UBR2: variants seen among roughly 807,000 people sequenced by gnomAD.
The protein encoded by UBR2 is ubiquitin protein ligase E3 component n-recognin 2, also known as E3 ubiquitin-protein ligase UBR2.
Under a neutral mutation model 247.9 loss-of-function variants are expected in UBR2, and 92 were observed. That is an observed-to-expected ratio of 0.37 (90% CI 0.31 to 0.44). UBR2 has a LOEUF of 0.44. UBR2 is among the 20% of genes least tolerant of loss of function. The probability of loss-of-function intolerance (pLI) is 1.00; values close to 1 mark genes in which losing one functional copy is unlikely to be tolerated. For synonymous variants in UBR2, 672 were observed against 693.5 expected (o/e 0.97, Z 0.49); for missense variants, 1,613 against 2,112.6 (o/e 0.76, Z 4.64).
intron 23 of UBR2, among the ~76,000 whole-genome samples, chr6:42,651,754 GTGCTGGGATTACAGGTGTGAGC>G (rs1184974727): frequency 6.6e-6 from 1 of 150,860 alleles, no homozygotes; most frequent in Non-Finnish European, 1.5e-5. Flanking sequence ...GCCTCCCAAA[GTGCTGGGATTACAGGTGTGAGC>G]TGCCACGCCC....
At position 42,659,715 on chromosome 6, in the gene UBR2, A is replaced by C. The variant is rs930008852; in HGVS notation, c.3302A>C (p.Glu1101Ala). Reference sequence around the variant, plus strand: ...GGCCCCGCACAAACTCAGGTTCCTGAACAAAGACAATTCGTTACATGTATA... The same window carrying C: ...GGCCCCGCACAAACTCAGGTTCCTGCACAAAGACAATTCGTTACATGTATA... Reference protein sequence around the residue: ...ALGPAQTQVPEQRQFVTCILC... With the variant: ...ALGPAQTQVPAQRQFVTCILC... Residue 1101 changes from glutamate (E) to alanine (A), a missense_variant, in exon 30 of 47, where the codon GAA becomes GCA. Physicochemically the swap from Glu to Ala is moderately radical, Grantham distance 107 (BLOSUM62 -1). Coordinates refer to ENST00000372901, the MANE Select transcript of UBR2 (RefSeq NM_001363705.2). The surrounding 1 kb of genome is among the most constrained non-coding windows in gnomAD (Gnocchi z 4.3). The C allele has an allele frequency of 6.2e-7, 1 of 1,614,142 alleles. No individual in the cohort carries two copies. Among genetic ancestry groups the C allele is most frequent in the Non-Finnish European group, 8.5e-7 (1 of 1,180,012 alleles).
At chr6:42,601,348 A>G (rs16895860) in intron 4 of UBR2, among the ~76,000 whole-genome samples, 21,184 of 152,170 alleles carry the variant, frequency 0.14, 1,494 homozygotes, top group Non-Finnish European at 0.16. Flanking sequence ...AGTTATTTCT[A>G]AAGCCTCCAT....
chr6:42,658,181 T>G, intron 27 of UBR2, 48 bp downstream of exon 27: 3 of 1,611,662 alleles, frequency 1.9e-6, no homozygotes, highest in Non-Finnish European at 2.5e-6. Flanking sequence ...ATTGAATATT[T>G]GTTATGTGTA....
At chr6:42,602,517 C>G (rs1333616433) in intron 4 of UBR2, among the ~76,000 whole-genome samples, 1 of 151,742 alleles carries the variant, frequency 6.6e-6, no homozygotes, top group African/African-American at 2.4e-5. Flanking sequence ...TTCTTTTATT[C>G]CACCTTCTCC....
chr6:42,588,006 A>G (rs1241905917), intron 2 of UBR2, among the ~76,000 whole-genome samples: 2 of 152,042 alleles, frequency 1.3e-5, no homozygotes, highest in Non-Finnish European at 2.9e-5. Context: ...GTATCTTACA[A>G]TTTAATTCAA....
At chr6:42,578,958 A>AACAAACACACACACACACACACACAC (rs1415279279) in intron 2 of UBR2, among the ~76,000 whole-genome samples, 5 of 116,382 alleles carry the variant, frequency 4.3e-5, no homozygotes, top group African/African-American at 1.5e-4. Flanking sequence ...CCATCTCAAA[A>AACAAACACACACACACACACACACAC]ACACACACAC....
At chr6:42,677,590 C>G (rs1798787588) in intron 40 of UBR2, among the ~76,000 whole-genome samples, 1 of 152,002 alleles carries the variant, frequency 6.6e-6, no homozygotes, top group African/African-American at 2.4e-5. Flanking sequence ...CCAGCCTGGC[C>G]AACATGGTGA....
intron 11 of UBR2, among the ~76,000 whole-genome samples, chr6:42,632,069 A>AAAAAAAAAAAAATAT (rs56721828): frequency 1.8e-5 from 2 of 114,088 alleles, no homozygotes; most frequent in African/African-American, 6.8e-5. Context: ...AAAAAAAAAA[A>AAAAAAAAAAAAATAT]ATATATATAT....
At position 42,661,750 on chromosome 6, in the gene UBR2, GC is replaced by G. The variant is rs201766878; in HGVS notation, c.3443-430del. Among the ~76,000 whole-genome samples, 580 of 152,098 alleles carry G rather than the reference GC, an allele frequency of 3.8e-3. 9 individuals carry two copies. The highest frequency in any genetic ancestry group is 3.5e-3 in the Non-Finnish European group (235 of 67,996). ...TTAGGCAGTCTGTCCTCTAGGGGGC[GC>G]CCCGTTACTGCCAAAACATTTTTTA... On this transcript the variant is annotated intron_variant, in intron 30 of 46. Coordinates refer to ENST00000372901, the MANE Select transcript of UBR2 (RefSeq NM_001363705.2).
At position 42,642,433 on chromosome 6, in the gene UBR2, T is replaced by C. The variant is rs1468087660; in HGVS notation, c.2049T>C (p.Asn683=). The C allele has an allele frequency of 1.2e-6, 2 of 1,608,606 alleles. No individual in the cohort carries two copies. Among genetic ancestry groups the C allele is most frequent in the Non-Finnish European group, 1.7e-6 (2 of 1,176,032 alleles). The change falls in exon 18 of 47, where the codon AAT becomes AAC. Residue 683 remains asparagine (N), a synonymous_variant. Transcript: ENST00000372901. ...SLVNQIYYYH[N]VKCRREMFDK... ...TTTTTTAGATTTATTACTACCATAA[T>C]GTGAAATGCAGACGTGAGATGTTTG... is the stretch of plus-strand genomic sequence containing the variant.
At chr6:42,602,755 TGTGTGC>T (rs1161292909) in intron 4 of UBR2, among the ~76,000 whole-genome samples, 1 of 121,084 alleles carries the variant, frequency 8.3e-6, no homozygotes, top group African/African-American at 3.3e-5. Context: ...TTTTATGCTG[TGTGTGC>T]GTGTGTGTGT....
chr6:42,652,730 A>G (rs1797197480), intron 25 of UBR2, 85 bp downstream of exon 25: 1 of 1,251,586 alleles, frequency 8.0e-7, no homozygotes, highest in East Asian at 2.7e-5. Flanking sequence ...ACACAGGAAA[A>G]CTAGGCCGAA....
chr6:42,575,708 G>A (rs935672696), intron 2 of UBR2, among the ~76,000 whole-genome samples: 1 of 152,050 alleles, frequency 6.6e-6, no homozygotes, highest in Admixed American at 6.6e-5. Flanking sequence ...CCTGTCAGGT[G>A]GTATGTATGA....
intron 44 of UBR2, among the ~76,000 whole-genome samples, chr6:42,686,286 C>T (rs373679859): frequency 4.0e-5 from 6 of 151,598 alleles, no homozygotes; most frequent in East Asian, 1.9e-4. Flanking sequence ...TGACTCTTAA[C>T]GAGCATGCTG....
chr6:42,582,054 T>C (rs111233429), intron 2 of UBR2, among the ~76,000 whole-genome samples: 3,297 of 152,084 alleles, frequency 0.022, 109 homozygotes, highest in African/African-American at 0.074. Flanking sequence ...GAGGCCGAGG[T>C]GGGTGGATCA....
Position 42,676,199 on chromosome 6 carries a change from T to C in UBR2, c.4387+8T>C, listed in dbSNP as rs1200859491. The C allele has an allele frequency of 1.3e-6, 2 of 1,557,146 alleles. No individual in the cohort carries two copies. Among genetic ancestry groups the C allele is most frequent in the African/African-American group, 1.4e-5 (1 of 71,906 alleles). ...TACTTACCTCATGTACAGGTAACTC[T>C]TGCCTTTTTGTCAGTTTCTTGAAGG... On this transcript the variant is annotated splice_region_variant and intron_variant, in intron 39 of 46. Transcript: ENST00000372901.
In UBR2 at chr6:42,617,419, G is replaced by A. The variant is rs1457901777; in HGVS notation, c.1193G>A (p.Arg398His). The change falls in exon 11 of 47, where the codon CGT becomes CAT. Residue 398 changes from arginine to histidine, a missense_variant. Arg to His is a conservative substitution (Grantham distance 29). This residue lies in a region of UBR2 where 1,524 missense variants were observed against 1,967.3 expected (regional missense o/e 0.77). Coordinates refer to ENST00000372901, the MANE Select transcript of UBR2 (RefSeq NM_001363705.2). ...TTGCCTTCTTAATAGAACTATGAGC[G>A]TTTGCAGAGTGATTATGTGACAGAT... is the stretch of plus-strand genomic sequence containing the variant. Reference protein sequence around the residue: ...FAVRFAKNYERLQSDYVTDDH... With the variant: ...FAVRFAKNYEHLQSDYVTDDH... 3.3e-5 allele frequency: 52 copies of A among 1,595,848 alleles called. No individual in the cohort carries two copies. The highest frequency in any genetic ancestry group is 1.6e-4 in the Middle Eastern group (1 of 6,066).
intron 21 of UBR2, among the ~76,000 whole-genome samples, chr6:42,646,812 T>G (rs564291999): frequency 0.033 from 4,772 of 146,482 alleles, 261 homozygotes; most frequent in African/African-American, 0.11. Flanking sequence ...TATGTTTATA[T>G]ATATATATAG....
At chr6:42,680,206 G>A (rs1002402309) in intron 42 of UBR2, among the ~76,000 whole-genome samples, 3 of 152,030 alleles carry the variant, frequency 2.0e-5, no homozygotes, top group African/African-American at 7.2e-5. Context: ...GGCTGGTCTC[G>A]AACTCCTGAC....
Sources: allele counts gnomAD v4.1 joint callset (sites outside exome capture counted in the v4.1 genomes callset), GRCh38; gene constraint gnomAD v4.1.1; regional missense constraint gnomAD v4.1.1; non-coding constraint Gnocchi (gnomAD v3.1); transcripts MANE v1.5; gene names NCBI Gene and HGNC (gene_info 2026-07-23, HGNC 2026-07-21).